The following TICRR variants were observed in gnomAD, a reference collection of about 807,000 sequenced individuals.
TICRR encodes the protein treslin.
TICRR carries 132 observed loss-of-function variants against 178.1 expected under a neutral mutation model. That is an observed-to-expected ratio of 0.74 (90% CI 0.64 to 0.86). TICRR has a LOEUF of 0.86. TICRR is among the 40% of genes least tolerant of loss of function. The probability of loss-of-function intolerance (pLI) is 0.00; values close to 1 mark genes in which losing one functional copy is unlikely to be tolerated. For missense variants in TICRR, 2,587 were observed against 2,334.3 expected, an observed-to-expected ratio of 1.11 and a Z score of -2.23; for synonymous variants, 991 against 900.7, an observed-to-expected ratio of 1.10 and a Z score of -1.79.
intron 7 of TICRR, among the ~76,000 whole-genome samples, chr15:89,597,305 C>T (rs1435598111): frequency 6.6e-6 from 1 of 152,056 alleles, no homozygotes; most frequent in Non-Finnish European, 1.5e-5. Flanking sequence ...GGGCAGATCA[C>T]CCGAGGTCAG....
At chr15:89,602,997 A>G (rs1963121279) in intron 13 of TICRR, 105 bp downstream of exon 13, 1 of 471,242 alleles carries the variant, frequency 2.1e-6, no homozygotes, top group Non-Finnish European at 3.6e-6. Context: ...ATAATATTAA[A>G]TATTTTTATG....
Position 89,621,471 on chromosome 15 carries a change from G to A in TICRR, c.3233G>A (p.Ser1078Asn). The change falls in exon 19 of 22, where the codon AGC becomes AAC. Residue 1078 changes from serine (S) to asparagine (N), a missense_variant. By Grantham distance (46) the Ser-to-Asn change is conservative. Transcript: ENST00000268138. ...TTTGGGGCAATGTCTGAGATGATCAGCCCCTCAGAAAAGGGTTCAGCTCGA... is the reference window on the plus strand; with the variant it reads ...TTTGGGGCAATGTCTGAGATGATCAACCCCTCAGAAAAGGGTTCAGCTCGA... ...LLFGAMSEMISPSEKGSARMK... is the reference protein window; with the variant it reads ...LLFGAMSEMINPSEKGSARMK... 3 of 1,613,854 alleles carry A rather than the reference G, an allele frequency of 1.9e-6. No homozygotes were observed. Among genetic ancestry groups the A allele is most frequent in the Non-Finnish European group, 2.5e-6 (3 of 1,179,750 alleles).
chr15:89,607,769 A>C (rs1020489933), intron 14 of TICRR, among the ~76,000 whole-genome samples: 4 of 152,106 alleles, frequency 2.6e-5, no homozygotes, highest in Non-Finnish European at 5.9e-5. Flanking sequence ...TCTTTGAAGA[A>C]TTCACCCTTG....
At chr15:89,588,135 A>G (rs561326314) in intron 4 of TICRR, among the ~76,000 whole-genome samples, 2 of 152,288 alleles carry the variant, frequency 1.3e-5, no homozygotes, top group East Asian at 3.9e-4. Context: ...CGATTGCTTC[A>G]GTTTTTTTAG....
intron 18 of TICRR, among the ~76,000 whole-genome samples, chr15:89,620,219 C>A (rs1310585453): frequency 6.6e-6 from 1 of 152,046 alleles, no homozygotes; most frequent in Non-Finnish European, 1.5e-5. Flanking sequence ...CTTATTTTAT[C>A]TTTTTTTGAG....
chr15:89,603,074 C>G (rs560082273), intron 13 of TICRR, among the ~76,000 whole-genome samples, 182 bp downstream of exon 13: 65 of 152,060 alleles, frequency 4.3e-4, no homozygotes, highest in Middle Eastern at 6.8e-3. Context: ...AACAATTTTA[C>G]TCAAGAGTGT....
rs1178488594 is a variant in TICRR at position 89,625,006 on chromosome 15, C to T, written c.4696C>T (p.Gln1566Ter). ...GACCTATGAGGTTGAGCTGGAGATG[C>T]AAGCTTCTGGCCTTCCCAAACTTCG... ...PQTYEVELEM[Q>*]ASGLPKLRIK... Residue 1566 changes from glutamine (Q) to a stop codon, truncating the protein, a stop_gained, in exon 20 of 22, where the codon CAA (glutamine) becomes TAA (stop). Coordinates refer to ENST00000268138, the MANE Select transcript of TICRR (RefSeq NM_152259.4). LOFTEE classifies it high-confidence loss of function. 1.2e-6 allele frequency: 2 copies of T among 1,614,090 alleles called. No individual in the cohort carries two copies. The highest frequency in any genetic ancestry group is 1.7e-6 in the Non-Finnish European group (2 of 1,180,028).
chr15:89,591,862 T>C (rs779654342), intron 4 of TICRR, 185 bp from the exon 5 acceptor site: 2 of 441,142 alleles, frequency 4.5e-6, no homozygotes, highest in Non-Finnish European at 8.0e-6. Context: ...TGTTTTTCAG[T>C]AGCATTTTTT....
At chr15:89,604,414 G>T (rs1221242170) in intron 13 of TICRR, among the ~76,000 whole-genome samples, 1 of 152,198 alleles carries the variant, frequency 6.6e-6, no homozygotes, top group African/African-American at 2.4e-5. Context: ...ACAATGATTT[G>T]CAGATCTTTC....
At chr15:89,607,897 G>A (rs1420125826) in intron 14 of TICRR, among the ~76,000 whole-genome samples, 1 of 152,124 alleles carries the variant, frequency 6.6e-6, no homozygotes, top group Non-Finnish European at 1.5e-5. Context: ...TCTAGATGAT[G>A]AGAACTTTCA....
chr15:89,599,511 G>A, intron 8 of TICRR, 36 bp downstream of exon 8: 1 of 1,589,134 alleles, frequency 6.3e-7, no homozygotes, highest in Non-Finnish European at 8.6e-7. Context: ...TGTCATGGAT[G>A]TAGTGGTTGG....
intron 5 of TICRR, among the ~76,000 whole-genome samples, chr15:89,592,636 A>G (rs1373839285): frequency 6.6e-6 from 1 of 151,742 alleles, no homozygotes; most frequent in African/African-American, 2.4e-5. Flanking sequence ...AAAGATAACA[A>G]CAGAAATAAA....
At chr15:89,595,010 CTG>C (rs1962973307) in intron 6 of TICRR, among the ~76,000 whole-genome samples, 1 of 152,184 alleles carries the variant, frequency 6.6e-6, no homozygotes, top group Admixed American at 6.5e-5. Context: ...GAACCAGTTA[CTG>C]TGTCAGGGTA....
intron 15 of TICRR, among the ~76,000 whole-genome samples, chr15:89,613,077 A>G (rs572730447): frequency 1.5e-4 from 23 of 152,172 alleles, no homozygotes; most frequent in Non-Finnish European, 2.9e-4. Flanking sequence ...CTTTCCTTTC[A>G]GCCCACAGGA....
At chr15:89,586,717 G>T (rs975404540) in intron 4 of TICRR, among the ~76,000 whole-genome samples, 43 of 152,174 alleles carry the variant, frequency 2.8e-4, no homozygotes, top group African/African-American at 9.9e-4. Flanking sequence ...GGGAGTTGCT[G>T]GTAGAGGCGA....
At position 89,582,787 on chromosome 15, in the gene TICRR, T is replaced by C; in HGVS notation, c.756T>C (p.Phe252=). The change falls in exon 2 of 22, where the codon TTT becomes TTC. Residue 252 remains phenylalanine (F), a synonymous_variant. Transcript: ENST00000268138. ...VLPSESFSWD[F]AQAGEMLLRS... The stretch of plus-strand genomic sequence containing the variant: ...CATCTGAATCTTTCAGCTGGGATTT[T>C]GCTCAAGCTGGGGAAATGCTGCTCA... 4 of 1,614,208 alleles carry C rather than the reference T, an allele frequency of 2.5e-6. No homozygotes were observed. The highest frequency in any genetic ancestry group is 3.4e-6 in the Non-Finnish European group (4 of 1,180,034).
At chr15:89,625,819 G>A (rs1438954622) in intron 20 of TICRR, 33 bp downstream of exon 20, 1 of 1,572,172 alleles carries the variant, frequency 6.4e-7, no homozygotes, top group Non-Finnish European at 8.6e-7. Context: ...GTTTCCTCAT[G>A]GTTTCTTTTG....
At chr15:89,586,465 A>C (rs1054191498) in intron 4 of TICRR, among the ~76,000 whole-genome samples, 9 of 152,166 alleles carry the variant, frequency 5.9e-5, no homozygotes, top group Non-Finnish European at 1.2e-4. Flanking sequence ...CTGGGACTAT[A>C]TTAGAGAACA....
Position 89,614,178 on chromosome 15 carries a change from A to G in TICRR, c.2870-2227A>G, listed in dbSNP as rs527539757. On this transcript the variant is annotated intron_variant, in intron 15 of 21. Transcript: ENST00000268138. Reference sequence around the variant, plus strand: ...CAAAAATAAATAAATAAATAAATAAATAAAGTCTTGTTCTAGTAAGTCCAA... The same window carrying G: ...CAAAAATAAATAAATAAATAAATAAGTAAAGTCTTGTTCTAGTAAGTCCAA... Among the ~76,000 whole-genome samples the G allele has an allele frequency of 5.9e-5, 9 of 152,140 alleles. No homozygotes were observed. In the South Asian group the frequency reaches 1.7e-3, roughly 28 times the overall value.
Sources: gnomAD v4.1 joint callset for allele counts (sites outside exome capture counted in the v4.1 genomes callset) on GRCh38, gnomAD v4.1.1 for gene constraint, MANE v1.5 for transcripts, NCBI Gene and HGNC (gene_info 2026-07-23, HGNC 2026-07-21) for gene names.